GRK7: variants seen among roughly 807,000 people sequenced by gnomAD.
GRK7 encodes rhodopsin kinase GRK7.
In GRK7, 24 loss-of-function variants were observed where a neutral mutation model predicts 34.1. That is an observed-to-expected ratio of 0.70 (90% CI 0.51 to 0.99). The LOEUF is 0.99. GRK7 is among the 50% of genes least tolerant of loss of function. The pLI, the probability that GRK7 is intolerant of heterozygous loss-of-function variation, is 0.00. For synonymous variants in GRK7, 256 were observed against 279.4 expected (o/e 0.92, Z 0.84); for missense variants, 644 against 707.3 (o/e 0.91, Z 1.02).
In GRK7 at chr3:141,780,382, C is replaced by T. The variant is rs368279239; in HGVS notation, c.621C>T (p.Ala207=). 38 of 1,613,574 alleles carry T rather than the reference C, an allele frequency of 2.4e-5. No individual in the cohort carries two copies. The highest frequency in any genetic ancestry group is 8.3e-5 in the Admixed American group (5 of 59,966). ...TTTCTTTCTCCTTTAAGGTATGTGC[C>T]GTCCAGGTGAAAAACACTGGGAAGA... ...LGKGGFGEVC[A]VQVKNTGKMY... is the part of the protein sequence containing the mutation. The change falls in exon 4 of 6, where the codon GCC becomes GCT. Residue 207 remains alanine, a synonymous_variant. Coordinates refer to ENST00000682958, the MANE Select transcript of GRK7 (RefSeq NM_139209.3).
At chr3:141,766,292 T>C (rs996637769) in intron 1 of GRK7, among the ~76,000 whole-genome samples, 2 of 151,930 alleles carry the variant, frequency 1.3e-5, no homozygotes, top group African/African-American at 4.8e-5. Context: ...GCCTCCCGAG[T>C]AGCTGGGACT....
chr3:141,756,335 G>C, the GRK7 span, among the ~76,000 whole-genome samples: 2 of 130,656 alleles, frequency 1.5e-5, no homozygotes, highest in African/African-American at 3.0e-5. Flanking sequence ...AAGGTGGGGG[G>C]GTGAAAACAA....
chr3:141,797,730 G>C (rs1186677489), intron 4 of GRK7, among the ~76,000 whole-genome samples: 1 of 152,072 alleles, frequency 6.6e-6, no homozygotes, highest in Non-Finnish European at 1.5e-5. Context: ...CTTCCTCTCC[G>C]GCTCCTTTCT....
intron 5 of GRK7, among the ~76,000 whole-genome samples, chr3:141,816,103 A>G (rs1292287307): frequency 6.6e-6 from 1 of 152,208 alleles, no homozygotes; most frequent in Non-Finnish European, 1.5e-5. Flanking sequence ...AGATACTCTA[A>G]TAATTTCTAG....
At chr3:141,757,374 A>G in the GRK7 span, among the ~76,000 whole-genome samples, 5 of 139,828 alleles carry the variant, frequency 3.6e-5, no homozygotes, top group East Asian at 8.3e-4. Context: ...TCATTGTTCA[A>G]TTCCCACCTA....
upstream of GRK7, among the ~76,000 whole-genome samples, chr3:141,762,710 C>A (rs1265304540): frequency 1.3e-5 from 2 of 152,224 alleles, no homozygotes; most frequent in Non-Finnish European, 2.9e-5. Context: ...GCCCCTCCCC[C>A]AGCCTCGCTG....
intron 1 of GRK7, among the ~76,000 whole-genome samples, chr3:141,768,527 G>A (rs1212874239): frequency 3.3e-5 from 5 of 151,926 alleles, no homozygotes; most frequent in South Asian, 4.1e-4. Flanking sequence ...TGATCCACCC[G>A]CCTTGGCCTC....
At chr3:141,801,201 C>T (rs1479427224) in intron 4 of GRK7, among the ~76,000 whole-genome samples, 1 of 150,624 alleles carries the variant, frequency 6.6e-6, no homozygotes, top group African/African-American at 2.4e-5. Context: ...GTCCCAGCTA[C>T]TCGGGAGGCT....
intron 1 of GRK7, among the ~76,000 whole-genome samples, chr3:141,770,223 C>T (rs769134736): frequency 6.6e-6 from 1 of 152,126 alleles, no homozygotes; most frequent in Non-Finnish European, 1.5e-5. Context: ...ATCCAAGGGG[C>T]ACATAGAGGA....
In GRK7 at chr3:141,818,779, T is replaced by G. The variant is rs1711180569; in HGVS notation, c.*1729T>G. 6.6e-6 allele frequency among the ~76,000 whole-genome samples: 1 copy of G among 152,220 alleles called. No individual in the cohort carries two copies. Among genetic ancestry groups the G allele is most frequent in the Admixed American group, 6.5e-5 (1 of 15,288 alleles). On this transcript the variant is annotated 3_prime_UTR_variant, in exon 6 of 6. Coordinates refer to ENST00000682958, the MANE Select transcript of GRK7 (RefSeq NM_139209.3). The stretch of plus-strand genomic sequence containing the variant: ...AAAGTTTTGTCCCTTGAGTTAAGGA[T>G]TCAAGAGCTGCAAAAGTGCCGGTCA...
In GRK7 at chr3:141,807,642, C is replaced by T. The variant is rs1226618347; in HGVS notation, c.1051-3C>T. 11 of 1,612,662 alleles carry T rather than the reference C, an allele frequency of 6.8e-6. No homozygotes were observed. Among genetic ancestry groups the T allele is most frequent in the Non-Finnish European group, 1.7e-6 (2 of 1,179,130 alleles). Reference sequence around the variant, plus strand: ...GTCTTGTTTTTTGTTTGGGATGTTACAGGCTGGAACCAATGGTTACATGGC... The same window carrying T: ...GTCTTGTTTTTTGTTTGGGATGTTATAGGCTGGAACCAATGGTTACATGGC... On this transcript the variant is annotated splice_region_variant and splice_polypyrimidine_tract_variant and intron_variant, in intron 4 of 5. Coordinates refer to ENST00000682958, the MANE Select transcript of GRK7 (RefSeq NM_139209.3).
chr3:141,815,789 C>T (rs562168625), intron 5 of GRK7, among the ~76,000 whole-genome samples: 43 of 151,274 alleles, frequency 2.8e-4, no homozygotes, highest in Non-Finnish European at 5.3e-4. Context: ...TGTGGAGGCT[C>T]ATGTGATACA....
the GRK7 span, among the ~76,000 whole-genome samples, chr3:141,750,177 A>T: frequency 6.6e-6 from 1 of 152,152 alleles, no homozygotes; most frequent in African/African-American, 2.4e-5. Context: ...CATTACTTCT[A>T]TTAATAAAAC....
In GRK7 at chr3:141,778,698, C is replaced by A. The variant is rs1162959739; in HGVS notation, c.414C>A (p.Thr138=). 1 of 1,613,436 alleles carries A rather than the reference C, an allele frequency of 6.2e-7. No individual in the cohort carries two copies. Among genetic ancestry groups the A allele is most frequent in the Non-Finnish European group, 8.5e-7 (1 of 1,179,640 alleles). ...TGGCCACCAAGTGCCAAGCAGCCAC[C>A]ACTGAGGAAGAGCGAGTGGCTGCAG... is the stretch of plus-strand genomic sequence containing the variant. ...QAVATKCQAA[T]TEEERVAAVT... The change falls in exon 3 of 6, where the codon ACC becomes ACA. Residue 138 remains threonine, a synonymous_variant. Coordinates refer to ENST00000682958, the MANE Select transcript of GRK7 (RefSeq NM_139209.3). This position sits in a 1 kb window ranked among gnomAD's most constrained non-coding sequence, Gnocchi z 4.1.
At chr3:141,781,948 G>A (rs1024726227) in intron 4 of GRK7, among the ~76,000 whole-genome samples, 4 of 152,118 alleles carry the variant, frequency 2.6e-5, no homozygotes, top group Non-Finnish European at 5.9e-5. Flanking sequence ...CCTCATTTTT[G>A]TACAGTTTTC....
intron 1 of GRK7, among the ~76,000 whole-genome samples, chr3:141,771,209 G>T (rs2084615370): frequency 6.6e-6 from 1 of 151,640 alleles, no homozygotes; most frequent in Non-Finnish European, 1.5e-5. Context: ...GTATGTGTGT[G>T]TGCACGTGTG....
intron 4 of GRK7, among the ~76,000 whole-genome samples, chr3:141,806,117 T>C (rs1293247905): frequency 6.6e-6 from 1 of 152,258 alleles, no homozygotes; most frequent in African/African-American, 2.4e-5. Flanking sequence ...TCTGAGTTAA[T>C]GAAGTTATGA....
At chr3:141,757,156 T>TC in the GRK7 span, among the ~76,000 whole-genome samples, 1 of 142,648 alleles carries the variant, frequency 7.0e-6, no homozygotes, top group Non-Finnish European at 1.5e-5. Flanking sequence ...TCTTTTTTTT[T>TC]TTTTTATTAT....
the GRK7 span, among the ~76,000 whole-genome samples, chr3:141,751,863 G>T: frequency 6.6e-6 from 1 of 152,172 alleles, no homozygotes; most frequent in African/African-American, 2.4e-5. Flanking sequence ...CTTCAGTGAA[G>T]AAAATTCTAT....
Sources: gnomAD v4.1 joint callset for allele counts (sites outside exome capture counted in the v4.1 genomes callset) on GRCh38, gnomAD v4.1.1 for gene constraint, Gnocchi (gnomAD v3.1) non-coding constraint, MANE v1.5 for transcripts, NCBI Gene and HGNC (gene_info 2026-07-23, HGNC 2026-07-21) for gene names.